Variants in EPC1 observed in about 807,000 individuals in gnomAD.
The protein encoded by EPC1 is enhancer of polycomb homolog 1.
EPC1 carries 12 observed loss-of-function variants against 98.4 expected under a neutral mutation model. That is an observed-to-expected ratio of 0.12 (90% confidence interval 0.08 to 0.20). The LOEUF (loss-of-function observed/expected upper bound fraction) is 0.20. Ranked by LOEUF, EPC1 falls within the 10% of genes least tolerant of loss-of-function variation. The pLI is 1.00. For missense variants in EPC1, 729 were observed against 990.5 expected, an observed-to-expected ratio of 0.74 and a Z score of 3.54; for synonymous variants, 357 against 363.9, an observed-to-expected ratio of 0.98 and a Z score of 0.21.
At chr10:32,365,238 G>T (rs1186383194) in intron 1 of EPC1, among the ~76,000 whole-genome samples, 1 of 152,064 alleles carries the variant, frequency 6.6e-6, no homozygotes, top group Non-Finnish European at 1.5e-5. Context: ...AATCAGTGTT[G>T]TTTATAAATG....
At chr10:32,306,868 A>G (rs1835903268) in intron 1 of EPC1, among the ~76,000 whole-genome samples, 2 of 151,850 alleles carry the variant, frequency 1.3e-5, no homozygotes, top group Admixed American at 1.3e-4. Context: ...ACACACACAC[A>G]CACACACACA....
chr10:32,344,201 G>A (rs1012414301), intron 1 of EPC1, among the ~76,000 whole-genome samples: 2 of 152,134 alleles, frequency 1.3e-5, no homozygotes, highest in African/African-American at 4.8e-5. Flanking sequence ...TTTCAACACT[G>A]CATAACACAC....
chr10:32,286,936 T>G lies in EPC1; in HGVS notation c.1232A>C (p.Gln411Pro). The change falls in exon 8 of 14, where the codon CAG becomes CCG. Residue 411 changes from glutamine to proline, a missense_variant. By Grantham distance (76) the Gln-to-Pro change is moderately conservative. This residue lies in a region of EPC1 where 390 missense variants were observed against 438.6 expected (regional missense o/e 0.89). Coordinates refer to ENST00000319778, the MANE Select transcript of EPC1 (RefSeq NM_001272004.3). ...CACTCTGAAACTTACAGCATAGTAC[T>G]GACAGCCTGCTTTCCTACGGAAAGC... ...PFAFRRKAGC[Q>P]YYAPHLDQTG... 1 of 1,613,574 alleles carries G rather than the reference T, an allele frequency of 6.2e-7. No homozygotes were observed. The highest frequency in any genetic ancestry group is 8.5e-7 in the Non-Finnish European group (1 of 1,179,798).
intron 6 of EPC1, among the ~76,000 whole-genome samples, chr10:32,289,642 T>A (rs938520698): frequency 1.3e-5 from 2 of 151,754 alleles, no homozygotes; most frequent in African/African-American, 2.4e-5. Context: ...TTTTTTTTTT[T>A]AGACGGAGTC....
upstream of EPC1, among the ~76,000 whole-genome samples, chr10:32,350,120 C>T (rs1175470061): frequency 3.3e-5 from 5 of 152,148 alleles, no homozygotes; most frequent in Admixed American, 1.3e-4. Context: ...GTGAAATTCT[C>T]GATGTTGCAA....
chr10:32,315,961 AT>A (rs1017070557), intron 1 of EPC1, among the ~76,000 whole-genome samples: 39 of 152,162 alleles, frequency 2.6e-4, no homozygotes, highest in African/African-American at 9.4e-4. Context: ...AAGGTCCAAC[AT>A]GATTTGCACT....
intron 13 of EPC1, 182 bp from the exon 14 acceptor site, chr10:32,269,317 G>A: frequency 1.9e-6 from 1 of 514,264 alleles, no homozygotes; most frequent in Non-Finnish European, 3.5e-6. Context: ...GGCTAATGTT[G>A]ACTATAAATA....
intron 1 of EPC1, among the ~76,000 whole-genome samples, chr10:32,361,110 T>C (rs1476604979): frequency 6.6e-6 from 1 of 152,274 alleles, no homozygotes; most frequent in African/African-American, 2.4e-5. Flanking sequence ...TATTTGTGCC[T>C]GAGCTTCTTC....
intron 2 of EPC1, among the ~76,000 whole-genome samples, chr10:32,301,431 T>G (rs117690409): frequency 0.021 from 3,202 of 152,292 alleles, 40 homozygotes; most frequent in Non-Finnish European, 0.03. Flanking sequence ...TAGACAAGTT[T>G]ATTCTAAAGT....
chr10:32,343,338 A>T (rs1055662277), intron 1 of EPC1, among the ~76,000 whole-genome samples: 1 of 152,020 alleles, frequency 6.6e-6, no homozygotes, highest in African/African-American at 2.4e-5. Context: ...AGCCTCCCGA[A>T]TAGCTGGGAT....
intron 1 of EPC1, among the ~76,000 whole-genome samples, chr10:32,372,852 C>T (rs1839789302): frequency 6.6e-6 from 1 of 152,136 alleles, no homozygotes; most frequent in African/African-American, 2.4e-5. Context: ...AAAATCCCAT[C>T]TCTACTAAAA....
At chr10:32,341,533 T>C (rs1838353394) in intron 1 of EPC1, among the ~76,000 whole-genome samples, 1 of 152,220 alleles carries the variant, frequency 6.6e-6, no homozygotes, top group Non-Finnish European at 1.5e-5. Context: ...AGGCAGTACT[T>C]TTAATTAAGT....
At chr10:32,322,805 A>G (rs1426613164) in intron 1 of EPC1, among the ~76,000 whole-genome samples, 1 of 152,164 alleles carries the variant, frequency 6.6e-6, no homozygotes, top group Non-Finnish European at 1.5e-5. Flanking sequence ...GACAGAGAAT[A>G]AAGTGATGGT....
chr10:32,346,120 G>A (rs930460969), intron 1 of EPC1, among the ~76,000 whole-genome samples: 4 of 152,154 alleles, frequency 2.6e-5, no homozygotes, highest in African/African-American at 9.7e-5. Flanking sequence ...TAAGTCGTCC[G>A]GGCAAACACG....
At chr10:32,291,738 C>A (rs1834866247) in intron 5 of EPC1, 1 of 152,260 alleles carries the variant, frequency 6.6e-6, no homozygotes, top group Admixed American at 6.5e-5. Context: ...ATTATAAACA[C>A]CAATTACATT....
rs534187133 is a variant in EPC1, at chr10:32,369,150, T to C, written c.3+9341A>G. On this transcript the variant is annotated intron_variant, in intron 1 of 13. Transcript: ENST00000375110. ...AGCCAGACAAAGCCATGAGAGAAAT[T>C]CAGTCAGTCAAGGATCAGAAATATC... Among the ~76,000 whole-genome samples, 4 of 152,328 alleles carry C rather than the reference T, an allele frequency of 2.6e-5. No individual in the cohort carries two copies. The South Asian group carries it at 8.3e-4, about 32-fold the overall frequency.
intron 1 of EPC1, chr10:32,346,534 C>G (rs537743508): frequency 1.9e-6 from 1 of 534,402 alleles, no homozygotes; most frequent in Non-Finnish European, 3.3e-6. Context: ...CCGCGGGACC[C>G]GGGTACAAGT....
chr10:32,324,975 G>C (rs1480945853), intron 1 of EPC1, among the ~76,000 whole-genome samples: 1 of 152,108 alleles, frequency 6.6e-6, no homozygotes, highest in Non-Finnish European at 1.5e-5. Context: ...TCTCCAGCCA[G>C]GGCGACAGAG....
intron 1 of EPC1, among the ~76,000 whole-genome samples, chr10:32,338,022 A>G (rs1838083304): frequency 6.6e-6 from 1 of 152,194 alleles, no homozygotes; most frequent in Non-Finnish European, 1.5e-5. Context: ...TCATAAGCTG[A>G]AGACTCTCAG....
Sources: allele counts gnomAD v4.1 joint callset (sites outside exome capture counted in the v4.1 genomes callset), GRCh38; gene constraint gnomAD v4.1.1; regional missense constraint gnomAD v4.1.1; transcripts MANE v1.5; gene names NCBI Gene and HGNC (gene_info 2026-07-23, HGNC 2026-07-21).